The following AGBL1 variants were observed in gnomAD, a reference collection of about 807,000 sequenced individuals.
AGBL1 encodes AGBL carboxypeptidase 1.
A neutral mutation model predicts 118.9 loss-of-function variants in AGBL1; 130 were observed. The observed-to-expected ratio is 1.09, with a 90% CI of 0.95 to 1.26. AGBL1 has a LOEUF of 1.26. Among genes scored for constraint, AGBL1 ranks in the 50% most tolerant of loss-of-function variants. The probability of loss-of-function intolerance (pLI) is 0.00; values close to 1 mark genes in which losing one functional copy is unlikely to be tolerated. For missense variants in AGBL1, 1,584 were observed against 1,298.1 expected (o/e 1.22, Z -3.38); for synonymous variants, 555 against 478.9 (o/e 1.16, Z -2.08).
chr15:86,406,050 T>G (rs540395678), intron 18 of AGBL1, among the ~76,000 whole-genome samples: 27 of 152,270 alleles, frequency 1.8e-4, no homozygotes, highest in African/African-American at 6.3e-4. Context: ...TGTATCCAAA[T>G]AGTAAAGGAA....
intron 21 of AGBL1, among the ~76,000 whole-genome samples, chr15:86,557,139 A>G (rs2083746358): frequency 1.3e-5 from 2 of 152,096 alleles, no homozygotes; most frequent in Admixed American, 1.3e-4. Context: ...ATACACTTAG[A>G]TCTATAACTT....
At chr15:86,465,475 T>G (rs2082390606) in intron 18 of AGBL1, among the ~76,000 whole-genome samples, 1 of 152,210 alleles carries the variant, frequency 6.6e-6, no homozygotes, top group South Asian at 2.1e-4. Context: ...AAATTCTGAC[T>G]GCCTGCGGGG....
chr15:86,726,413 T>C (rs2086819175), intron 22 of AGBL1, among the ~76,000 whole-genome samples: 1 of 152,036 alleles, frequency 6.6e-6, no homozygotes, highest in Non-Finnish European at 1.5e-5. Context: ...GAAACTTGAG[T>C]TGTGTGAACT....
At chr15:86,987,874 T>C in intron 23 of AGBL1, 1 of 1,268,506 alleles carries the variant, frequency 7.9e-7, no homozygotes, top group Non-Finnish European at 1.1e-6. Flanking sequence ...TATATCCTAT[T>C]AAAGTTTGTT....
intron 22 of AGBL1, among the ~76,000 whole-genome samples, chr15:86,769,749 C>T (rs1023892620): frequency 6.6e-6 from 1 of 151,990 alleles, no homozygotes; most frequent in Non-Finnish European, 1.5e-5. Context: ...AAATAATACT[C>T]TTCCAGTAGC....
intron 23 of AGBL1, among the ~76,000 whole-genome samples, chr15:86,930,541 T>C (rs1405517905): frequency 6.6e-6 from 1 of 152,150 alleles, no homozygotes; most frequent in African/African-American, 2.4e-5. Flanking sequence ...TTGACTGCTA[T>C]TTAATAAATA....
chr15:86,586,463 A>G (rs531927822), intron 21 of AGBL1, among the ~76,000 whole-genome samples: 2 of 152,304 alleles, frequency 1.3e-5, no homozygotes, highest in South Asian at 4.1e-4. Flanking sequence ...TGAGAAAATT[A>G]GGGCAGAGAA....
At chr15:86,679,792 A>G (rs952193593) in intron 22 of AGBL1, among the ~76,000 whole-genome samples, 1 of 152,168 alleles carries the variant, frequency 6.6e-6, no homozygotes, top group Admixed American at 6.5e-5. Context: ...AAGATTCTTT[A>G]GTATCTAGAA....
At chr15:86,577,603 T>C (rs1318047095) in intron 21 of AGBL1, among the ~76,000 whole-genome samples, 1 of 152,272 alleles carries the variant, frequency 6.6e-6, no homozygotes, top group South Asian at 2.1e-4. Flanking sequence ...CATGGTAGCC[T>C]CTCCTGTCAT....
intron 18 of AGBL1, among the ~76,000 whole-genome samples, chr15:86,434,054 C>A (rs2081971775): frequency 6.6e-6 from 1 of 152,212 alleles, no homozygotes; most frequent in Admixed American, 6.5e-5. Flanking sequence ...CATCTACAAA[C>A]CCAACTGATC....
intron 6 of AGBL1, among the ~76,000 whole-genome samples, chr15:86,231,734 A>G (rs2078458437): frequency 1.3e-5 from 2 of 152,234 alleles, no homozygotes; most frequent in African/African-American, 4.8e-5. Flanking sequence ...AGTGGGCTGC[A>G]GGGCTTACCT....
chr15:86,416,460 T>C (rs544693835), intron 18 of AGBL1, among the ~76,000 whole-genome samples: 1 of 152,296 alleles, frequency 6.6e-6, no homozygotes, highest in South Asian at 2.1e-4. Context: ...TGCAGCACAT[T>C]AGTGCCTGTC....
chr15:86,153,738 T>C (rs896062657), intron 3 of AGBL1, among the ~76,000 whole-genome samples: 15 of 152,210 alleles, frequency 9.9e-5, no homozygotes, highest in Non-Finnish European at 2.1e-4. Flanking sequence ...GAAAACTCTC[T>C]CTCATGTAGA....
intron 3 of AGBL1, among the ~76,000 whole-genome samples, chr15:86,144,901 C>T (rs1410700237): frequency 1.2e-4 from 19 of 152,192 alleles, no homozygotes; most frequent in Admixed American, 7.9e-4. Context: ...TTTAGCTTAA[C>T]GTAACAGAAG....
intron 5 of AGBL1, among the ~76,000 whole-genome samples, chr15:86,181,546 A>G (rs2077553179): frequency 6.6e-6 from 1 of 151,994 alleles, no homozygotes; most frequent in South Asian, 2.1e-4. Flanking sequence ...GAGGGATTAT[A>G]AAGAAGAATG....
intron 18 of AGBL1, among the ~76,000 whole-genome samples, chr15:86,444,046 G>A (rs2142058936): frequency 6.6e-6 from 1 of 152,232 alleles, no homozygotes; most frequent in East Asian, 1.9e-4. Flanking sequence ...TTCCATAAAG[G>A]TGGTGCTAAT....
intron 17 of AGBL1, among the ~76,000 whole-genome samples, chr15:86,318,039 G>C (rs1004226967): frequency 3.9e-5 from 6 of 152,170 alleles, no homozygotes; most frequent in African/African-American, 1.4e-4. Context: ...AAACTTGATT[G>C]TGAATCTGCT....
intron 22 of AGBL1, among the ~76,000 whole-genome samples, chr15:86,755,351 T>A (rs963395049): frequency 1.3e-5 from 2 of 152,094 alleles, no homozygotes; most frequent in African/African-American, 4.8e-5. Context: ...TTATTACAGC[T>A]GAGTAGCGGA....
chr15:86,632,669 CTG>C, intron 21 of AGBL1, among the ~76,000 whole-genome samples: 1 of 149,552 alleles, frequency 6.7e-6, no homozygotes, highest in South Asian at 2.1e-4. Context: ...GCTTCCTTCT[CTG>C]TGAGCTCAAA....
Sources: allele counts gnomAD v4.1 joint callset (sites outside exome capture counted in the v4.1 genomes callset), GRCh38; gene constraint gnomAD v4.1.1; transcripts MANE v1.5; gene names NCBI Gene and HGNC (gene_info 2026-07-23, HGNC 2026-07-21).